Variants in ENOX2 observed in about 807,000 individuals in gnomAD.
The protein encoded by ENOX2 is APK1 antigen.
Under a neutral mutation model 45.0 loss-of-function variants are expected in ENOX2, and 36 were observed. The ratio of observed to expected loss-of-function variants is 0.80; its 90% CI spans 0.61 to 1.06. The LOEUF (loss-of-function observed/expected upper bound fraction) is 1.06. Among genes scored for constraint, ENOX2 ranks in the 50% least tolerant of loss-of-function variants. The pLI, the probability that ENOX2 is intolerant of heterozygous loss-of-function variation, is 0.00. For missense variants in ENOX2, 423 were observed against 462.5 expected (o/e 0.91, Z 0.78); for synonymous variants, 174 against 152.3 (o/e 1.14, Z -1.05).
At chrX:130,674,009 G>C (rs1234408401) in intron 6 of ENOX2, among the ~76,000 whole-genome samples, 1 of 112,196 alleles carries the variant, frequency 8.9e-6, no homozygotes, top group South Asian at 3.7e-4. Context: ...ACTTTAAAAT[G>C]TAAATGCAGG....
chrX:130,753,966 T>A (rs1446151869), intron 3 of ENOX2, among the ~76,000 whole-genome samples: 1 of 111,508 alleles, frequency 9.0e-6, no homozygotes. Context: ...ATAGGAGGAA[T>A]GAGTTCTGGT....
intron 10 of ENOX2, among the ~76,000 whole-genome samples, chrX:130,653,291 T>C (rs2036455106): frequency 8.9e-6 from 1 of 112,094 alleles, no homozygotes; most frequent in East Asian, 2.8e-4. Context: ...TAGACTCTCT[T>C]AATTGAAGAT....
chrX:130,700,901 GTGT>G (rs1473552809), intron 4 of ENOX2, among the ~76,000 whole-genome samples: 1 of 111,398 alleles, frequency 9.0e-6, no homozygotes, highest in African/African-American at 3.3e-5. Flanking sequence ...TTCAAGGCTT[GTGT>G]TGTTAAGCAC....
chrX:130,762,646 C>A (rs765532973), intron 3 of ENOX2, among the ~76,000 whole-genome samples: 1 of 112,089 alleles, frequency 8.9e-6, no homozygotes, highest in Admixed American at 9.4e-5. Flanking sequence ...GTTTAGTTTT[C>A]AAGTCTTTGG....
rs2077874247 is a variant in ENOX2, at chrX:130,833,532, G to A, written c.-182-49842C>T. Among the ~76,000 whole-genome samples the A allele has an allele frequency of 2.7e-5, 3 of 111,375 alleles. No individual in the cohort carries two copies. In the South Asian group the frequency reaches 1.1e-3, roughly 42 times the overall value. ...GGCTGTTTTTTTGAATCAAGCAATG[G>A]AACAGCAACTGCCATAGGCTGTCAG... is the stretch of plus-strand genomic sequence containing the variant. On this transcript the variant is annotated intron_variant, in intron 2 of 14. Transcript: ENST00000394363.
At chrX:130,695,227 T>C (rs1603308048) in intron 4 of ENOX2, among the ~76,000 whole-genome samples, 1 of 111,943 alleles carries the variant, frequency 8.9e-6, no homozygotes, top group East Asian at 2.8e-4. Context: ...TGCTTATCTC[T>C]AAACCCAGAA....
chrX:130,764,391 C>T (rs1482988284), intron 3 of ENOX2, among the ~76,000 whole-genome samples: 1 of 110,901 alleles, frequency 9.0e-6, no homozygotes, highest in Non-Finnish European at 1.9e-5. Context: ...TTTCCCATTA[C>T]ACATTGAACC....
At chrX:130,747,360 T>G (rs1193920171) in intron 3 of ENOX2, among the ~76,000 whole-genome samples, 1 of 111,743 alleles carries the variant, frequency 8.9e-6, no homozygotes, top group Admixed American at 9.5e-5. Context: ...AATGGCCTTT[T>G]AAATGAAAAG....
chrX:130,865,661 T>C (rs1191827483), intron 2 of ENOX2, among the ~76,000 whole-genome samples: 1 of 112,120 alleles, frequency 8.9e-6, no homozygotes, highest in East Asian at 2.8e-4. Flanking sequence ...ACAGAGATCA[T>C]TTAAGAGAGC....
At position 130,703,249 on chromosome X, in the gene ENOX2, T is replaced by C; in HGVS notation, c.-33A>G. 8.4e-7 allele frequency: 1 copy of C among 1,188,220 alleles called. No homozygotes were observed. Among genetic ancestry groups the C allele is most frequent in the Non-Finnish European group, 1.1e-6 (1 of 885,119 alleles). ...GAATCCACGTTCAGAGTTCTACTGT[T>C]ATCGGCTGAAAAGAAATGACAAGCA... On this transcript the variant is annotated 5_prime_UTR_variant, in exon 4 of 15. In the 5' UTR this introduces an upstream ATG that the reference lacks. Transcript: ENST00000394363.
In ENOX2 at chrX:130,646,222, G is replaced by C; in HGVS notation, c.1130-8812C>G. The C allele has an allele frequency of 1.1e-5, 5 of 458,399 alleles. No individual in the cohort carries two copies. In the South Asian group the frequency reaches 1.1e-4, roughly 10 times the overall value. The allele number at this position is 458,399 out of a possible 1,213,427, so 37.8% of individuals were successfully genotyped here. A position where few individuals can be genotyped will look rare whatever the true frequency, so the allele number is the denominator to read the frequency against. ...CAAAGATCACTTGGAATTGTGCCTG[G>C]TCAAATGCAGGACCTCATCCCAGAG... is the stretch of plus-strand genomic sequence containing the variant. On this transcript the variant is annotated intron_variant, in intron 10 of 14. Transcript: ENST00000394363.
At chrX:130,895,090 C>T (rs1293310003) in intron 2 of ENOX2, among the ~76,000 whole-genome samples, 1 of 111,657 alleles carries the variant, frequency 9.0e-6, no homozygotes, top group East Asian at 2.8e-4. Flanking sequence ...GTCTATCTCC[C>T]CTATTAGACT....
Position 130,679,695 on chromosome X carries a change from C to G in ENOX2, c.307G>C (p.Val103Leu). ...GTCCCATTTTCAGGCAGACCACCCA[C>G]AAATACTGTTTTGCATCCTGGTGGT... ...ERPPGCKTVF[V>L]GGLPENGTEQ... The change falls in exon 6 of 15, where the codon GTG (valine) becomes CTG (leucine). Residue 103 changes from valine to leucine, a missense_variant. Val to Leu is a conservative substitution (Grantham distance 32). Transcript: ENST00000394363. 8.3e-7 allele frequency: 1 copy of G among 1,211,814 alleles called. No individual in the cohort carries two copies. Among genetic ancestry groups the G allele is most frequent in the Non-Finnish European group, 1.1e-6 (1 of 895,301 alleles).
intron 2 of ENOX2, among the ~76,000 whole-genome samples, chrX:130,812,108 G>C (rs1275540521): frequency 8.9e-6 from 1 of 111,954 alleles, no homozygotes; most frequent in Non-Finnish European, 1.9e-5. Context: ...AGAAATTAAA[G>C]TAGAAGAGAA....
chrX:130,712,944 C>A (rs1411435595), intron 3 of ENOX2, among the ~76,000 whole-genome samples: 1 of 112,033 alleles, frequency 8.9e-6, no homozygotes, highest in Non-Finnish European at 1.9e-5. Flanking sequence ...TCAGATACTT[C>A]CACCACTAAC....
chrX:130,754,563 A>G (rs1462917492), intron 3 of ENOX2, among the ~76,000 whole-genome samples: 1 of 112,094 alleles, frequency 8.9e-6, no homozygotes, highest in Non-Finnish European at 1.9e-5. Flanking sequence ...GCCATAAAAA[A>G]GAACAAAATA....
intron 2 of ENOX2, among the ~76,000 whole-genome samples, chrX:130,784,937 A>G (rs1021227276): frequency 2.1e-4 from 23 of 109,240 alleles, no homozygotes; most frequent in Non-Finnish European, 3.4e-4. Context: ...TAGCTGTACA[A>G]TTCTTGAGGT....
intron 3 of ENOX2, among the ~76,000 whole-genome samples, chrX:130,739,041 T>A (rs745341958): frequency 1.9e-4 from 21 of 112,768 alleles, no homozygotes; most frequent in Non-Finnish European, 1.3e-4. Flanking sequence ...TGGAGTCCCT[T>A]CTACAGGGAA....
rs776752384 is a variant in ENOX2 at position 130,675,085 on chromosome X, G to C, written c.460+4457C>G. ...ATAGTGCCGCAATAAACATACGTGT[G>C]CATATGTCTTTATAGCAGCATGATT... On this transcript the variant is annotated intron_variant, in intron 6 of 14. Coordinates refer to ENST00000394363, the MANE Select transcript of ENOX2 (RefSeq NM_006375.4). 2.9e-3 allele frequency among the ~76,000 whole-genome samples: 317 copies of C among 107,554 alleles called. 1 individual carries two copies. Among genetic ancestry groups the C allele is most frequent in the Non-Finnish European group, 5.0e-3 (262 of 52,008 alleles). The allele number at this position is 107,554 out of a possible 115,157, so 93.4% of individuals were successfully genotyped here.
Sources: gnomAD v4.1 joint callset for allele counts (sites outside exome capture counted in the v4.1 genomes callset) on GRCh38, gnomAD v4.1.1 for gene constraint, MANE v1.5 for transcripts, NCBI Gene and HGNC (gene_info 2026-07-23, HGNC 2026-07-21) for gene names.